The following SNTG1 variants were observed in gnomAD, a reference collection of about 807,000 sequenced individuals.
SNTG1 encodes gamma-1-syntrophin.
Under a neutral mutation model 74.7 loss-of-function variants are expected in SNTG1, and 39 were observed. The observed-to-expected ratio is 0.52, with a 90% CI of 0.40 to 0.68. The LOEUF (loss-of-function observed/expected upper bound fraction) is 0.68. SNTG1 is among the 30% of genes least tolerant of loss of function. SNTG1 has a pLI of 0.00. For synonymous variants in SNTG1, 254 were observed against 217.1 expected (o/e 1.17, Z -1.49); for missense variants, 685 against 609.5 (o/e 1.12, Z -1.30).
At position 50,395,200 on chromosome 8, in the gene SNTG1, A is replaced by G. The variant is rs555039649; in HGVS notation, c.27+935A>G. On this transcript the variant is annotated intron_variant, in intron 3 of 18. Coordinates refer to ENST00000642720, the MANE Select transcript of SNTG1 (RefSeq NM_018967.5). Reference sequence around the variant, plus strand: ...AAAATACTTGTCACTGTTGGTAAGAAGTTCAGAATATAAATATAAGGTTTT... The same window carrying G: ...AAAATACTTGTCACTGTTGGTAAGAGGTTCAGAATATAAATATAAGGTTTT... Among the ~76,000 whole-genome samples, 18 of 152,292 alleles carry G rather than the reference A, an allele frequency of 1.2e-4. 1 individual carries two copies. Among genetic ancestry groups the G allele is most frequent in the African/African-American group, 4.1e-4 (17 of 41,580 alleles).
chr8:50,497,678 G>A (rs967945230), intron 8 of SNTG1, among the ~76,000 whole-genome samples: 2 of 151,852 alleles, frequency 1.3e-5, no homozygotes, highest in African/African-American at 4.8e-5. Context: ...CCATGACATA[G>A]AATACCCACC....
chr8:50,000,134 G>C (rs776590416), intron 1 of SNTG1, among the ~76,000 whole-genome samples: 1 of 152,086 alleles, frequency 6.6e-6, no homozygotes, highest in Non-Finnish European at 1.5e-5. Context: ...TGCCACACTG[G>C]TCCAGATGTC....
At position 50,209,230 on chromosome 8, in the gene SNTG1, G is replaced by A. The variant is rs192126964; in HGVS notation, c.-28+36595G>A. 2.8e-3 allele frequency among the ~76,000 whole-genome samples: 422 copies of A among 152,174 alleles called. 2 individuals carry two copies. Among genetic ancestry groups the A allele is most frequent in the African/African-American group, 9.3e-3 (385 of 41,504 alleles). ...GATAAACAAAGTGGCCAGGAAGTTC[G>A]AACTGGATGGAGCCCACTGCAGCTC... On this transcript the variant is annotated intron_variant, in intron 2 of 18. Coordinates refer to ENST00000642720, the MANE Select transcript of SNTG1 (RefSeq NM_018967.5).
At chr8:49,996,577 T>G (rs576410265) in intron 1 of SNTG1, among the ~76,000 whole-genome samples, 1 of 152,274 alleles carries the variant, frequency 6.6e-6, no homozygotes, top group African/African-American at 2.4e-5. Flanking sequence ...TAATAGGACT[T>G]CTTAAAATAC....
At chr8:50,456,792 C>G (rs2131657183) in intron 8 of SNTG1, among the ~76,000 whole-genome samples, 1 of 152,172 alleles carries the variant, frequency 6.6e-6, no homozygotes, top group African/African-American at 2.4e-5. Flanking sequence ...CAGCCGATTT[C>G]CTTGGAGAGG....
chr8:50,642,148 G>A (rs142783873), intron 13 of SNTG1, among the ~76,000 whole-genome samples: 1 of 151,936 alleles, frequency 6.6e-6, no homozygotes, highest in Admixed American at 6.6e-5. Flanking sequence ...TGCAAAGATC[G>A]AAAACTTTCT....
intron 1 of SNTG1, among the ~76,000 whole-genome samples, chr8:50,144,510 C>G (rs570581583): frequency 6.6e-6 from 1 of 152,196 alleles, no homozygotes; most frequent in Non-Finnish European, 1.5e-5. Context: ...ATACAGGGAC[C>G]TAGTCCTTTA....
chr8:50,356,874 T>C (rs1220944401), intron 2 of SNTG1, among the ~76,000 whole-genome samples: 1 of 152,204 alleles, frequency 6.6e-6, no homozygotes, highest in Admixed American at 6.5e-5. Context: ...TGGAGACAGA[T>C]TGTACAGTGC....
chr8:49,960,326 G>A (rs1180266131), intron 1 of SNTG1, among the ~76,000 whole-genome samples: 2 of 152,116 alleles, frequency 1.3e-5, no homozygotes, highest in East Asian at 3.9e-4. Context: ...GAATGCAAAG[G>A]CAATTACAAC....
intron 1 of SNTG1, among the ~76,000 whole-genome samples, chr8:50,015,205 T>C (rs1329576151): frequency 6.6e-6 from 1 of 151,984 alleles, no homozygotes; most frequent in African/African-American, 2.4e-5. Flanking sequence ...ATAATAATTT[T>C]GGAAAGATCA....
chr8:50,470,952 G>A lies in SNTG1; in HGVS notation c.363+20223G>A, dbSNP rs559480239. Among the ~76,000 whole-genome samples, 117 of 152,238 alleles carry A rather than the reference G, an allele frequency of 7.7e-4. No homozygotes were observed. The Middle Eastern group carries it at 0.014, about 18-fold the overall frequency. ...TTGTCCATTTTACAGAGTGCTGATT[G>A]GTTCATATTTACAGAGTGCTGATTG... On this transcript the variant is annotated intron_variant, in intron 8 of 18. Transcript: ENST00000642720.
chr8:50,696,516 C>G (rs1335857675), intron 15 of SNTG1, among the ~76,000 whole-genome samples: 1 of 151,926 alleles, frequency 6.6e-6, no homozygotes, highest in Non-Finnish European at 1.5e-5. Context: ...AAAATCTTTG[C>G]CTAGGCCAAT....
intron 5 of SNTG1, among the ~76,000 whole-genome samples, chr8:50,449,269 G>T (rs1419137942): frequency 6.6e-6 from 1 of 152,090 alleles, no homozygotes; most frequent in Non-Finnish European, 1.5e-5. Context: ...TATCCCAACG[G>T]GTCACTGCAC....
At chr8:49,917,336 C>T (rs770523201) in intron 1 of SNTG1, among the ~76,000 whole-genome samples, 1 of 152,176 alleles carries the variant, frequency 6.6e-6, no homozygotes, top group Non-Finnish European at 1.5e-5. Flanking sequence ...CCACATCTGT[C>T]ATGCCATTCT....
chr8:50,627,952 C>A (rs557105449), intron 13 of SNTG1, among the ~76,000 whole-genome samples: 1 of 152,248 alleles, frequency 6.6e-6, no homozygotes, highest in Non-Finnish European at 1.5e-5. Context: ...ATCAACCCAA[C>A]CTTCAGCCCC....
chr8:50,305,599 T>A (rs1236585391), intron 2 of SNTG1, among the ~76,000 whole-genome samples: 2 of 151,914 alleles, frequency 1.3e-5, no homozygotes, highest in Non-Finnish European at 2.9e-5. Context: ...TTTTGGTTTT[T>A]ACTTTGTTTT....
At position 50,043,331 on chromosome 8, in the gene SNTG1, T is replaced by A. The variant is rs569480914; in HGVS notation, c.-102-129230T>A. ...GAACCCAAATGCTTCTGGAATTATTTCTTGCATAGCAGGAAATTAAATTAG... is the reference window on the plus strand; with the variant it reads ...GAACCCAAATGCTTCTGGAATTATTACTTGCATAGCAGGAAATTAAATTAG... On this transcript the variant is annotated intron_variant, in intron 1 of 18. Transcript: ENST00000642720. 2.0e-5 allele frequency among the ~76,000 whole-genome samples: 3 copies of A among 152,338 alleles called. No homozygotes were observed. The South Asian group carries it at 6.2e-4, about 32-fold the overall frequency.
chr8:49,969,918 C>CTGTGTG (rs34129313), intron 1 of SNTG1, among the ~76,000 whole-genome samples: 299 of 149,114 alleles, frequency 2.0e-3, no homozygotes, highest in Admixed American at 5.2e-3. Context: ...AATAAAAAAC[C>CTGTGTG]TGTGTGTGTG....
intron 18 of SNTG1, among the ~76,000 whole-genome samples, chr8:50,789,727 A>C (rs1381779177): frequency 6.6e-6 from 1 of 151,888 alleles, no homozygotes; most frequent in African/African-American, 2.4e-5. Context: ...CTTTCAATCC[A>C]ATTCTCATAA....
Sources: gnomAD v4.1 joint callset for allele counts (sites outside exome capture counted in the v4.1 genomes callset) on GRCh38, gnomAD v4.1.1 for gene constraint, MANE v1.5 for transcripts, NCBI Gene and HGNC (gene_info 2026-07-23, HGNC 2026-07-21) for gene names.